The following SPNS3 variants were observed in gnomAD, a reference collection of about 807,000 sequenced individuals.
The protein encoded by SPNS3 is SPNS lysolipid transporter 3, sphingosine-1-phosphate (putative).
SPNS3 carries 51 observed loss-of-function variants against 54.4 expected under a neutral mutation model. The ratio of observed to expected loss-of-function variants is 0.94; its 90% CI spans 0.75 to 1.18. The LOEUF (loss-of-function observed/expected upper bound fraction) is 1.18, where lower values mean the gene tolerates loss of function less well. SPNS3 is among the 50% of genes most tolerant of loss of function. The pLI is 0.00. For missense variants in SPNS3, 669 were observed against 677.4 expected, an observed-to-expected ratio of 0.99 and a Z score of 0.14; for synonymous variants, 309 against 294.7, an observed-to-expected ratio of 1.05 and a Z score of -0.50.
At chr17:4,458,621 C>CT (rs777461884) in intron 8 of SPNS3, among the ~76,000 whole-genome samples, 1,985 of 115,052 alleles carry the variant, frequency 0.017, 72 homozygotes, top group African/African-American at 0.038. Flanking sequence ...TTCTTTCTTT[C>CT]TTTCTTTCTT....
chr17:4,438,630 C>G (rs1449029351), intron 1 of SPNS3, among the ~76,000 whole-genome samples: 2 of 152,216 alleles, frequency 1.3e-5, no homozygotes, highest in Non-Finnish European at 2.9e-5. Context: ...CTTGTGTGTG[C>G]ACATGCGTGC....
intron 8 of SPNS3, among the ~76,000 whole-genome samples, chr17:4,477,580 C>T (rs1972036800): frequency 6.6e-6 from 1 of 152,152 alleles, no homozygotes; most frequent in Non-Finnish European, 1.5e-5. Context: ...GAGGTGAAGG[C>T]AGGGGGCGTG....
At chr17:4,480,580 C>T (rs983413001) in intron 9 of SPNS3, among the ~76,000 whole-genome samples, 1 of 152,222 alleles carries the variant, frequency 6.6e-6, no homozygotes, top group African/African-American at 2.4e-5. Context: ...GCACCCGTGT[C>T]CCCCAGCGTC....
Position 4,434,084 on chromosome 17 carries a change from G to T in SPNS3, c.117G>T (p.Leu39=). Residue 39 remains leucine, a synonymous_variant, in exon 1 of 12, where the codon CTG becomes CTT. Transcript: ENST00000355530. ...PPPITPTSWS[L]PPWRAYVAAA... ...CCATCACGCCCACCTCCTGGAGCCT[G>T]CCCCCGTGGAGGGCCTACGTGGCTG... The T allele has an allele frequency of 6.2e-7, 1 of 1,612,124 alleles. No homozygotes were observed. Among genetic ancestry groups the T allele is most frequent in the Non-Finnish European group, 8.5e-7 (1 of 1,179,212 alleles).
Position 4,486,133 on chromosome 17 carries a change from C to T in SPNS3, c.1180-95C>T. The T allele has an allele frequency of 8.8e-7, 1 of 1,131,386 alleles. No homozygotes were observed. The highest frequency in any genetic ancestry group is 1.2e-6 in the Non-Finnish European group (1 of 829,430). 70.1% of individuals were successfully genotyped at this position (1,131,386 alleles called of 1,614,324 possible). On this transcript the variant is annotated intron_variant, in intron 9 of 11. Transcript: ENST00000355530. This position sits in a 1 kb window ranked among gnomAD's most constrained non-coding sequence, Gnocchi z 5.5. ...CTCCCATCCCACTCACCTGAATGGCCTGTCACTCCTCCAGGCAGGTCCTTG... is the reference window on the plus strand; with the variant it reads ...CTCCCATCCCACTCACCTGAATGGCTTGTCACTCCTCCAGGCAGGTCCTTG...
intron 6 of SPNS3, 99 bp downstream of exon 6, chr17:4,448,402 GTTGTCCC>G: frequency 4.8e-6 from 6 of 1,243,190 alleles, no homozygotes; most frequent in Non-Finnish European, 6.4e-6. Flanking sequence ...GCCCTCCCTG[GTTGTCCC>G]AGTGTTCACA....
Position 4,461,755 on chromosome 17 carries a change from A to G in SPNS3, c.1113+8550A>G, listed in dbSNP as rs73323805. On this transcript the variant is annotated intron_variant, in intron 8 of 11. Transcript: ENST00000355530. ...TCAGAGGTGAGTTCCAGGTATTGGCATGAGCAGCTGGAACCGGGGAGGGCC... is the reference window on the plus strand; with the variant it reads ...TCAGAGGTGAGTTCCAGGTATTGGCGTGAGCAGCTGGAACCGGGGAGGGCC... Among the ~76,000 whole-genome samples, 580 of 152,268 alleles carry G rather than the reference A, an allele frequency of 3.8e-3. 2 individuals carry two copies. Among genetic ancestry groups the G allele is most frequent in the African/African-American group, 0.013 (546 of 41,556 alleles).
chr17:4,440,450 G>T (rs1970820673), intron 2 of SPNS3, among the ~76,000 whole-genome samples: 1 of 152,172 alleles, frequency 6.6e-6, no homozygotes, highest in African/African-American at 2.4e-5. Flanking sequence ...TCTTAAACCG[G>T]GGTACAGGGA....
chr17:4,467,642 C>A lies in SPNS3; in HGVS notation c.1114-10930C>A, dbSNP rs150897109. ...CAGGCCAGGAACTTGAAAAGCATCACTTCCACCTGATTTATTTAATTTAAT... is the reference window on the plus strand; with the variant it reads ...CAGGCCAGGAACTTGAAAAGCATCAATTCCACCTGATTTATTTAATTTAAT... On this transcript the variant is annotated intron_variant, in intron 8 of 11. Coordinates refer to ENST00000355530, the MANE Select transcript of SPNS3 (RefSeq NM_182538.5). Among the ~76,000 whole-genome samples the A allele has an allele frequency of 1.2e-3, 184 of 152,276 alleles. 5 individuals carry two copies. In the East Asian group the frequency reaches 0.03, roughly 25 times the overall value.
chr17:4,436,435 A>G (rs1006443498), intron 1 of SPNS3, among the ~76,000 whole-genome samples: 4 of 152,038 alleles, frequency 2.6e-5, no homozygotes, highest in Non-Finnish European at 2.9e-5. Context: ...TCTACAAAAA[A>G]TTTAAAAAAT....
chr17:4,468,771 T>TTCTTTC (rs1266906325), intron 8 of SPNS3, among the ~76,000 whole-genome samples: 12 of 53,642 alleles, frequency 2.2e-4, no homozygotes, highest in Non-Finnish European at 2.5e-4. Flanking sequence ...CTCTCTTTCT[T>TTCTTTC]TTTCTTTCTT....
chr17:4,488,076 T>C lies in SPNS3; in HGVS notation c.*182T>C, dbSNP rs1972373184. 1 of 616,066 alleles carries C rather than the reference T, an allele frequency of 1.6e-6. No individual in the cohort carries two copies. The allele number at this position is 616,066 out of a possible 1,614,324, so 38.2% of individuals were successfully genotyped here. On this transcript the variant is annotated 3_prime_UTR_variant, in exon 12 of 12. Transcript: ENST00000355530. Reference sequence around the variant, plus strand: ...GCTGGGAATGGAGCTGTCAGCACTCTGCGTGGGAGGCCTGGGCCTGTGCCT... The same window carrying C: ...GCTGGGAATGGAGCTGTCAGCACTCCGCGTGGGAGGCCTGGGCCTGTGCCT...
chr17:4,459,785 G>A (rs1971446848), intron 8 of SPNS3, among the ~76,000 whole-genome samples: 1 of 152,200 alleles, frequency 6.6e-6, no homozygotes. Context: ...TCTCTGTCCT[G>A]AGAGAACTTA....
chr17:4,451,249 TG>T (rs1186396362), intron 7 of SPNS3, among the ~76,000 whole-genome samples: 2 of 97,652 alleles, frequency 2.0e-5, no homozygotes, highest in African/African-American at 6.5e-5. Flanking sequence ...TCTTCTTCTT[TG>T]TTTTTTTTTT....
chr17:4,468,724 T>C (rs1456995368), intron 8 of SPNS3, among the ~76,000 whole-genome samples: 1 of 131,866 alleles, frequency 7.6e-6, no homozygotes, highest in Non-Finnish European at 1.6e-5. Flanking sequence ...CTCTTTCTTT[T>C]CTTTCTTTCT....
chr17:4,471,692 C>T (rs748399364), intron 8 of SPNS3, among the ~76,000 whole-genome samples: 23 of 152,000 alleles, frequency 1.5e-4, no homozygotes, highest in Non-Finnish European at 2.6e-4. Flanking sequence ...TCTCAAACTC[C>T]TCGGCTCAAG....
At chr17:4,482,443 G>C (rs939658826) in intron 9 of SPNS3, 9 of 152,182 alleles carry the variant, frequency 5.9e-5, no homozygotes, top group African/African-American at 1.9e-4. Context: ...ATTCCGTAGA[G>C]CACGCTTTGA....
intron 2 of SPNS3, 117 bp downstream of exon 2, chr17:4,439,840 G>T: frequency 1.1e-6 from 1 of 924,380 alleles, no homozygotes; most frequent in Non-Finnish European, 1.7e-6. Context: ...GGCACAGAGG[G>T]TGGGTGGGGT....
intron 8 of SPNS3, among the ~76,000 whole-genome samples, chr17:4,477,743 G>T (rs79025105): frequency 1.1e-4 from 17 of 152,118 alleles, no homozygotes; most frequent in African/African-American, 4.1e-4. Context: ...TTGACTGTCC[G>T]CATGATGGGT....
Sources: allele counts gnomAD v4.1 joint callset (sites outside exome capture counted in the v4.1 genomes callset), GRCh38; gene constraint gnomAD v4.1.1; non-coding constraint Gnocchi (gnomAD v3.1); transcripts MANE v1.5; gene names NCBI Gene and HGNC (gene_info 2026-07-23, HGNC 2026-07-21).